Variants in MCC observed in about 807,000 individuals in gnomAD.
The protein encoded by MCC is MCC regulator of Wnt signaling pathway.
In MCC, 90 loss-of-function variants were observed where a neutral mutation model predicts 116.2. The observed-to-expected ratio is 0.77, with a 90% CI of 0.65 to 0.92. The LOEUF is 0.92. MCC is among the 40% of genes least tolerant of loss of function. The pLI, the probability that MCC is intolerant of heterozygous loss-of-function variation, is 0.00. For missense variants in MCC, 1,516 were observed against 1,312.2 expected (o/e 1.16, Z -2.40); for synonymous variants, 578 against 510.5 (o/e 1.13, Z -1.78).
chr5:113,415,164 G>C (rs968172019), intron 1 of MCC, among the ~76,000 whole-genome samples: 1 of 152,142 alleles, frequency 6.6e-6, no homozygotes, highest in Non-Finnish European at 1.5e-5. Flanking sequence ...TTCCCTTTGT[G>C]GGTAACCCGA....
chr5:113,023,976 A>T lies in MCC; in HGVS notation c.*3326T>A, dbSNP rs1282085945. The T allele has an allele frequency of 6.6e-6, 1 of 152,222 alleles. No homozygotes were observed. 9.4% of individuals were successfully genotyped at this position (152,222 alleles called of 1,614,324 possible). ...GTGCACTTTTTTCTCATTTAAAATA[A>T]TCTAATCTGTATCCAGTTAGGAACC... On this transcript the variant is annotated 3_prime_UTR_variant, in exon 19 of 19. Coordinates refer to ENST00000408903, the MANE Select transcript of MCC (RefSeq NM_001085377.2).
At chr5:113,057,453 T>C (rs979603658) in intron 14 of MCC, among the ~76,000 whole-genome samples, 10 of 151,970 alleles carry the variant, frequency 6.6e-5, no homozygotes, top group African/African-American at 2.2e-4. Context: ...GGGAGAAAGA[T>C]AAAAATGACT....
chr5:113,432,921 G>C (rs950227006), intron 1 of MCC: 1 of 152,118 alleles, frequency 6.6e-6, no homozygotes, highest in African/African-American at 2.4e-5. Context: ...ATCGCTGCAA[G>C]GTTTGAACAG....
At chr5:113,070,325 T>C (rs1753950651) in intron 12 of MCC, among the ~76,000 whole-genome samples, 1 of 152,028 alleles carries the variant, frequency 6.6e-6, no homozygotes, top group Non-Finnish European at 1.5e-5. Flanking sequence ...ATGATGATAA[T>C]AATAAGGCAT....
At chr5:113,099,194 C>G (rs1167193032) in intron 8 of MCC, among the ~76,000 whole-genome samples, 8 of 152,190 alleles carry the variant, frequency 5.3e-5, no homozygotes, top group Non-Finnish European at 1.2e-4. Flanking sequence ...GAGAATATCT[C>G]TAGTTGAGGA....
intron 6 of MCC, among the ~76,000 whole-genome samples, chr5:113,107,661 G>C (rs1286752519): frequency 1.3e-5 from 2 of 152,196 alleles, no homozygotes; most frequent in African/African-American, 4.8e-5. Context: ...TCCAGAGCTG[G>C]TGTGAATCCG....
chr5:113,341,213 T>C (rs1232645985), intron 2 of MCC, among the ~76,000 whole-genome samples: 3 of 152,112 alleles, frequency 2.0e-5, no homozygotes, highest in Non-Finnish European at 4.4e-5. Flanking sequence ...TCTGTCTCTC[T>C]TTCTTTCTCT....
intron 5 of MCC, among the ~76,000 whole-genome samples, chr5:113,129,858 G>C (rs1435220373): frequency 6.6e-6 from 1 of 152,248 alleles, no homozygotes; most frequent in East Asian, 1.9e-4. Context: ...AGGATGTGGA[G>C]AAATAGGAAC....
chr5:113,341,097 G>A (rs1169521088), intron 2 of MCC, among the ~76,000 whole-genome samples: 3 of 152,146 alleles, frequency 2.0e-5, no homozygotes, highest in East Asian at 3.8e-4. Context: ...TCTCCCAACT[G>A]AGGAAAAAGG....
chr5:113,266,863 AG>A (rs1461386197), intron 3 of MCC, among the ~76,000 whole-genome samples: 2 of 152,158 alleles, frequency 1.3e-5, no homozygotes, highest in African/African-American at 4.8e-5. Context: ...ATCAGGCTCA[AG>A]GGAACACAAT....
intron 17 of MCC, among the ~76,000 whole-genome samples, chr5:113,034,760 G>A (rs2150209649): frequency 6.6e-6 from 1 of 152,372 alleles, no homozygotes; most frequent in East Asian, 1.9e-4. Flanking sequence ...TCACCAGTGA[G>A]CTCCAAGTTG....
At position 113,160,381 on chromosome 5, in the gene MCC, A is replaced by C. The variant is rs573952471; in HGVS notation, c.628-8959T>G. 5.3e-5 allele frequency among the ~76,000 whole-genome samples: 8 copies of C among 152,286 alleles called. No individual in the cohort carries two copies. In the South Asian group the frequency reaches 1.5e-3, roughly 28 times the overall value. ...ATCGTAATTTTTACTGGCTAACACA[A>C]CTGCTTGCTATGTGCTAGATTGCTA... On this transcript the variant is annotated intron_variant, in intron 3 of 18. Transcript: ENST00000408903.
intron 1 of MCC, among the ~76,000 whole-genome samples, chr5:113,414,912 T>A (rs559459814): frequency 6.6e-6 from 1 of 152,214 alleles, no homozygotes; most frequent in South Asian, 2.1e-4. Flanking sequence ...TACCAGTTGT[T>A]CCTTTCTTTC....
At position 113,200,817 on chromosome 5, in the gene MCC, C is replaced by T. The variant is rs182474938; in HGVS notation, c.628-49395G>A. 3.2e-4 allele frequency among the ~76,000 whole-genome samples: 48 copies of T among 152,268 alleles called. No individual in the cohort carries two copies. In the East Asian group the frequency reaches 6.2e-3, roughly 20 times the overall value. ...TACCTAGGTGAGGCCAGCAGTGAGG[C>T]CTGAAGACACCTCATCTTGCAGGAA... On this transcript the variant is annotated intron_variant, in intron 3 of 18. Transcript: ENST00000408903.
intron 8 of MCC, among the ~76,000 whole-genome samples, chr5:113,092,201 G>T (rs1456754477): frequency 6.6e-6 from 1 of 152,084 alleles, no homozygotes; most frequent in Non-Finnish European, 1.5e-5. Flanking sequence ...GATGGGTAGA[G>T]TATCATGGAT....
chr5:113,467,746 T>C (rs1303193935), intron 1 of MCC, among the ~76,000 whole-genome samples: 1 of 152,250 alleles, frequency 6.6e-6, no homozygotes, highest in East Asian at 1.9e-4. Context: ...TTGATGGGGA[T>C]GGCACTGAAT....
chr5:113,263,372 G>C (rs558501189), intron 3 of MCC, among the ~76,000 whole-genome samples: 110 of 152,316 alleles, frequency 7.2e-4, no homozygotes, highest in Non-Finnish European at 7.8e-4. Flanking sequence ...TTCTGGATCA[G>C]ATATTGGCTA....
intron 8 of MCC, among the ~76,000 whole-genome samples, chr5:113,088,296 T>A (rs4397122): frequency 3.3e-5 from 5 of 151,942 alleles, no homozygotes; most frequent in Admixed American, 6.6e-5. Context: ...TGCAAGAAAC[T>A]AAGGCTAAAG....
chr5:113,311,583 A>G (rs1287460281), intron 3 of MCC, among the ~76,000 whole-genome samples: 1 of 152,206 alleles, frequency 6.6e-6, no homozygotes, highest in Non-Finnish European at 1.5e-5. Flanking sequence ...CATGAGCAAT[A>G]AACACTTATT....
Sources: gnomAD v4.1 joint callset for allele counts (sites outside exome capture counted in the v4.1 genomes callset) on GRCh38, gnomAD v4.1.1 for gene constraint, MANE v1.5 for transcripts, NCBI Gene and HGNC (gene_info 2026-07-23, HGNC 2026-07-21) for gene names.